Variants in TACR3 observed in about 807,000 individuals in gnomAD.
TACR3 encodes neuromedin-K receptor.
Under a neutral mutation model 35.0 loss-of-function variants are expected in TACR3, and 34 were observed. The observed-to-expected ratio is 0.97, with a 90% CI of 0.74 to 1.30. The LOEUF (loss-of-function observed/expected upper bound fraction) is 1.30. Among genes scored for constraint, TACR3 ranks in the 50% most tolerant of loss-of-function variants. The pLI, the probability that TACR3 is intolerant of heterozygous loss-of-function variation, is 0.00. For missense variants in TACR3, 558 were observed against 591.7 expected (o/e 0.94, Z 0.59); for synonymous variants, 233 against 221.1 (o/e 1.05, Z -0.48).
In TACR3 at chr4:103,719,726, A is replaced by G. The variant is rs768844427; in HGVS notation, c.-51T>C. ...CTCCCACTCACCCACGGGCAGCCCAAGACGAGACTCCTCTGAAGTTCTTCT... is the reference window on the plus strand; with the variant it reads ...CTCCCACTCACCCACGGGCAGCCCAGGACGAGACTCCTCTGAAGTTCTTCT... On this transcript the variant is annotated 5_prime_UTR_variant, in exon 1 of 5. Transcript: ENST00000304883. 3.1e-6 allele frequency: 5 copies of G among 1,597,856 alleles called. No individual in the cohort carries two copies. The highest frequency in any genetic ancestry group is 1.1e-5 in the South Asian group (1 of 90,676).
chr4:103,630,347 TTAAAC>T (rs1439514667), intron 3 of TACR3, among the ~76,000 whole-genome samples: 1 of 152,180 alleles, frequency 6.6e-6, no homozygotes, highest in Non-Finnish European at 1.5e-5. Context: ...TGGGATCTAA[TTAAAC>T]TAAAGAGCTT....
chr4:103,598,424 G>C (rs1212893341), intron 3 of TACR3, among the ~76,000 whole-genome samples: 2 of 152,190 alleles, frequency 1.3e-5, no homozygotes, highest in African/African-American at 4.8e-5. Flanking sequence ...TCTGATGGTA[G>C]TTTCTTTTGC....
intron 1 of TACR3, among the ~76,000 whole-genome samples, chr4:103,661,038 G>A (rs1278676044): frequency 6.6e-6 from 1 of 151,988 alleles, no homozygotes; most frequent in Non-Finnish European, 1.5e-5. Flanking sequence ...AATAAGAGAA[G>A]AGCTAGAATT....
chr4:103,587,835 T>G lies in TACR3; in HGVS notation c.*1847A>C, dbSNP rs1005689818. ...ATTAGATACTATATATTAAATTTGC[T>G]TATTTAAAACATGCACACAAGCTTC... On this transcript the variant is annotated 3_prime_UTR_variant, in exon 5 of 5. Coordinates refer to ENST00000304883, the MANE Select transcript of TACR3 (RefSeq NM_001059.3). 1 of 152,138 alleles carries G rather than the reference T, an allele frequency of 6.6e-6. No individual in the cohort carries two copies. The highest frequency in any genetic ancestry group is 6.6e-5 in the Admixed American group (1 of 15,252). 9.4% of individuals were successfully genotyped at this position (152,138 alleles called of 1,614,324 possible).
At chr4:103,656,129 G>T in intron 3 of TACR3, 65 bp downstream of exon 3, 1 of 1,575,686 alleles carries the variant, frequency 6.3e-7, no homozygotes, top group Non-Finnish European at 8.7e-7. Context: ...GCCATGACTA[G>T]ATTGCTTTTC....
intron 3 of TACR3, among the ~76,000 whole-genome samples, chr4:103,628,984 C>T (rs1239646688): frequency 6.6e-6 from 1 of 152,202 alleles, no homozygotes; most frequent in Non-Finnish European, 1.5e-5. Context: ...GCTGGTTCAA[C>T]AGACACAAAT....
chr4:103,652,820 A>G (rs1220806069), intron 3 of TACR3, among the ~76,000 whole-genome samples: 4 of 152,072 alleles, frequency 2.6e-5, no homozygotes. Context: ...GAGACAACAT[A>G]TGAATAAATG....
rs201968507 is a variant in TACR3 at position 103,719,682 on chromosome 4, C to T, written c.-7G>A. On this transcript the variant is annotated 5_prime_UTR_variant, in exon 1 of 5. Coordinates refer to ENST00000304883, the MANE Select transcript of TACR3 (RefSeq NM_001059.3). ...CTGCTGGGAGAGTGGCCATCGCCAC[C>T]GGTCTGCAGTCCCGGACCCTCCCAC... is the stretch of plus-strand genomic sequence containing the variant. 6.2e-6 allele frequency: 10 copies of T among 1,607,554 alleles called. No homozygotes were observed. The highest frequency in any genetic ancestry group is 1.6e-4 in the Middle Eastern group (1 of 6,084).
Position 103,587,292 on chromosome 4 carries a change from TAAA to T in TACR3, c.*2387_*2389del. The T allele has an allele frequency of 6.6e-6, 1 of 151,524 alleles. No homozygotes were observed. 9.4% of individuals were successfully genotyped at this position (151,524 alleles called of 1,614,324 possible). On this transcript the variant is annotated 3_prime_UTR_variant, in exon 5 of 5. Transcript: ENST00000304883. ...TTATTGTCGTTTAAATTTTTGAACT[TAAA>T]AAATTCTGCCTATAGGTCTCAGTTT...
chr4:103,597,543 C>T (rs1418875268), intron 3 of TACR3, among the ~76,000 whole-genome samples: 1 of 151,906 alleles, frequency 6.6e-6, no homozygotes, highest in Non-Finnish European at 1.5e-5. Flanking sequence ...CCATGTTGGT[C>T]TGCTGCACCC....
intron 1 of TACR3, among the ~76,000 whole-genome samples, chr4:103,671,824 A>C (rs1366033827): frequency 6.6e-6 from 1 of 152,012 alleles, no homozygotes; most frequent in Admixed American, 6.6e-5. Context: ...AGGTTTTTAA[A>C]AATAAGACAA....
intron 1 of TACR3, among the ~76,000 whole-genome samples, chr4:103,670,743 T>A (rs193293703): frequency 2.6e-5 from 4 of 152,182 alleles, no homozygotes; most frequent in African/African-American, 9.6e-5. Flanking sequence ...TTTCTAAATA[T>A]AAGATCATAT....
intron 3 of TACR3, among the ~76,000 whole-genome samples, chr4:103,647,845 G>A (rs1258570714): frequency 2.0e-5 from 3 of 151,880 alleles, no homozygotes; most frequent in Non-Finnish European, 2.9e-5. Flanking sequence ...TACTTAGGCA[G>A]AACATAATAA....
chr4:103,710,719 G>A (rs574168782), intron 1 of TACR3, among the ~76,000 whole-genome samples: 2 of 152,034 alleles, frequency 1.3e-5, no homozygotes, highest in South Asian at 4.2e-4. Context: ...TTTTTGAAAA[G>A]ATCAACAAAA....
intron 1 of TACR3, among the ~76,000 whole-genome samples, chr4:103,661,826 C>T (rs1193204337): frequency 6.6e-6 from 1 of 152,070 alleles, no homozygotes; most frequent in Non-Finnish European, 1.5e-5. Flanking sequence ...CTGGTCTGAT[C>T]CATGATTCAT....
At chr4:103,636,308 C>A (rs1725188193) in intron 3 of TACR3, among the ~76,000 whole-genome samples, 1 of 151,900 alleles carries the variant, frequency 6.6e-6, no homozygotes, top group Admixed American at 6.6e-5. Context: ...AATCAAAACA[C>A]AGATTTTACC....
chr4:103,604,192 A>T (rs916916744), intron 3 of TACR3, among the ~76,000 whole-genome samples: 8 of 152,188 alleles, frequency 5.3e-5, no homozygotes, highest in Non-Finnish European at 8.8e-5. Context: ...CAAAACAGAT[A>T]TACAAACCAA....
intron 1 of TACR3, among the ~76,000 whole-genome samples, chr4:103,673,036 T>C (rs1407994808): frequency 6.6e-6 from 1 of 152,182 alleles, no homozygotes; most frequent in Non-Finnish European, 1.5e-5. Context: ...TTCAACTCTT[T>C]GAGCTTTTAT....
At position 103,638,251 on chromosome 4, in the gene TACR3, A is replaced by G. The variant is rs550309526; in HGVS notation, c.888+17943T>C. 8.5e-3 allele frequency among the ~76,000 whole-genome samples: 1,280 copies of G among 151,336 alleles called. 19 individuals are homozygous for G. The highest frequency in any genetic ancestry group is 0.029 in the African/African-American group (1,198 of 41,076). On this transcript the variant is annotated intron_variant, in intron 3 of 4. Coordinates refer to ENST00000304883, the MANE Select transcript of TACR3 (RefSeq NM_001059.3). ...TGGTACCAAAACAGAGATATAGACC[A>G]ATGGAACAGAACAGAGCCCTCAGAA...
Sources: allele counts gnomAD v4.1 joint callset (sites outside exome capture counted in the v4.1 genomes callset), GRCh38; gene constraint gnomAD v4.1.1; transcripts MANE v1.5; gene names NCBI Gene and HGNC (gene_info 2026-07-23, HGNC 2026-07-21).